The following NEB variants were observed in gnomAD, a reference collection of about 807,000 sequenced individuals.
NEB encodes the protein nebulin, also known as nemaline myopathy type 2.
In NEB, 512 loss-of-function variants were observed where a neutral mutation model predicts 952.2. That is an observed-to-expected ratio of 0.54 (90% CI 0.50 to 0.58). NEB has a LOEUF of 0.58. NEB is among the 20% of genes least tolerant of loss of function. The pLI is 0.00. For synonymous variants in NEB, 2,900 were observed against 3,149.8 expected, an observed-to-expected ratio of 0.92 and a Z score of 2.66; for missense variants, 8,428 against 9,231.1, an observed-to-expected ratio of 0.91 and a Z score of 3.56.
At chr2:151,723,065 A>C (rs1181143545) in intron 9 of NEB, among the ~76,000 whole-genome samples, 1 of 152,236 alleles carries the variant, frequency 6.6e-6, no homozygotes, top group African/African-American at 2.4e-5. Flanking sequence ...AGGGGAAAGA[A>C]GGACTCATGC....
At position 151,493,426 on chromosome 2, in the gene NEB, A is replaced by G. The variant is rs761657388; in HGVS notation, c.24692T>C (p.Met8231Thr). Reference sequence around the variant, plus strand: ...AACAGGTGTCGGAGTTGCTTTTCTCATGTTCTCTTTGTACAATACCTAGGG... The same window carrying G: ...AACAGGTGTCGGAGTTGCTTTTCTCGTGTTCTCTTTGTACAATACCTAGGG... Reference protein sequence around the residue: ...NFSSVLYKENMRKATPTPVTP... With the variant: ...NFSSVLYKENTRKATPTPVTP... Residue 8231 changes from methionine to threonine, a missense_variant, in exon 176 of 182, where the codon ATG (methionine) becomes ACG (threonine). By Grantham distance (81) the Met-to-Thr change is moderately conservative. Transcript: ENST00000397345. The G allele has an allele frequency of 1.2e-6, 2 of 1,605,464 alleles. No individual in the cohort carries two copies. The highest frequency in any genetic ancestry group is 1.1e-5 in the South Asian group (1 of 88,474).
intron 13 of NEB, among the ~76,000 whole-genome samples, chr2:151,698,216 CT>C (rs201877927): frequency 0.013 from 1,955 of 152,016 alleles, 23 homozygotes; most frequent in Middle Eastern, 0.031. Flanking sequence ...TTTTTTCTTT[CT>C]TTTTTTTGTA....
chr2:151,687,096 T>C (rs908339927), intron 27 of NEB, among the ~76,000 whole-genome samples: 2 of 152,214 alleles, frequency 1.3e-5, no homozygotes, highest in African/African-American at 4.8e-5. Context: ...ATTTTAAAAA[T>C]TGTTTTTCAA....
At chr2:151,695,292 C>G (rs368898214) in intron 18 of NEB, among the ~76,000 whole-genome samples, 1 of 151,996 alleles carries the variant, frequency 6.6e-6, no homozygotes, top group Non-Finnish European at 1.5e-5. Flanking sequence ...AAAAGATCTA[C>G]CATTAAAATT....
intron 27 of NEB, among the ~76,000 whole-genome samples, chr2:151,687,122 A>C (rs2099509045): frequency 6.6e-6 from 1 of 152,244 alleles, no homozygotes. Flanking sequence ...AGAAAATATG[A>C]AAATATCTAG....
chr2:151,518,350 G>A lies in NEB; in HGVS notation c.22768C>T (p.His7590Tyr). 1 of 1,611,312 alleles carries A rather than the reference G, an allele frequency of 6.2e-7. No individual in the cohort carries two copies. The highest frequency in any genetic ancestry group is 8.5e-7 in the Non-Finnish European group (1 of 1,177,498). ...TGTAATTCTGTGGCCTCTTTTAGGT[G>A]AAGCTGCTCCAGATTATCGGGTATG... is the stretch of plus-strand genomic sequence containing the variant. Reference protein sequence around the residue: ...HTIPDNLEQLHLKEATELQSI... With the variant: ...HTIPDNLEQLYLKEATELQSI... Residue 7590 changes from histidine to tyrosine, a missense_variant, in exon 156 of 182, where the codon CAC becomes TAC. By Grantham distance (83) the His-to-Tyr change is moderately conservative (BLOSUM62 2). Around this residue, in one of 11 missense-constraint regions of NEB, gnomAD observed 3,374 missense variants for 3,651.5 expected, o/e 0.92. Coordinates refer to ENST00000397345, the MANE Select transcript of NEB (RefSeq NM_001164508.2).
chr2:151,706,617 C>T (rs1220496966), intron 13 of NEB, among the ~76,000 whole-genome samples: 1 of 151,972 alleles, frequency 6.6e-6, no homozygotes, highest in Non-Finnish European at 1.5e-5. Flanking sequence ...GCAACACATC[C>T]ATATGGAGGC....
chr2:151,487,526 TA>T lies in NEB; in HGVS notation c.25405-1594del, dbSNP rs2051874847. 2.0e-5 allele frequency among the ~76,000 whole-genome samples: 3 copies of T among 152,328 alleles called. No individual in the cohort carries two copies. In the South Asian group the frequency reaches 6.2e-4, roughly 32 times the overall value. On this transcript the variant is annotated intron_variant, in intron 181 of 181. Coordinates refer to ENST00000397345, the MANE Select transcript of NEB (RefSeq NM_001164508.2). The stretch of plus-strand genomic sequence containing the variant: ...AATATAGCTTGGAAGTCTTTCCATG[TA>T]AATATAGCTGTATCTTACCCTTTTT...
At chr2:151,724,202 T>G (rs1297182471) in intron 8 of NEB, 58 bp downstream of exon 8, 33 of 1,292,558 alleles carry the variant, frequency 2.6e-5, no homozygotes, top group Non-Finnish European at 3.4e-5. Context: ...AAGTATTACA[T>G]GAAATATATG....
intron 29 of NEB, among the ~76,000 whole-genome samples, chr2:151,681,911 A>G (rs1349635371): frequency 1.3e-5 from 2 of 152,206 alleles, no homozygotes; most frequent in African/African-American, 4.8e-5. Context: ...TCACAAAAAA[A>G]TAGAAACCAT....
chr2:151,605,930 G>C (rs1321905995), intron 84 of NEB, among the ~76,000 whole-genome samples: 56 of 102,612 alleles, frequency 5.5e-4, no homozygotes, highest in African/African-American at 1.4e-3. Flanking sequence ...AGACTCCTGA[G>C]TAGCTGGGAT....
intron 28 of NEB, among the ~76,000 whole-genome samples, chr2:151,683,858 C>T (rs767198202): frequency 1.3e-4 from 19 of 151,992 alleles, no homozygotes; most frequent in Non-Finnish European, 2.1e-4. Flanking sequence ...TATGGCATAT[C>T]GATACAATAG....
At chr2:151,630,676 C>A (rs2154071446) in intron 67 of NEB, 39 bp downstream of exon 67, 7 of 1,489,330 alleles carry the variant, frequency 4.7e-6, no homozygotes, top group Non-Finnish European at 6.5e-6. Context: ...AGTATAGACA[C>A]CACCACCACA....
At chr2:151,695,107 G>C (rs2099586582) in intron 18 of NEB, among the ~76,000 whole-genome samples, 1 of 152,130 alleles carries the variant, frequency 6.6e-6, no homozygotes, top group Non-Finnish European at 1.5e-5. Flanking sequence ...ATAAAATTAA[G>C]TTTGAAAAAT....
At chr2:151,684,697 G>T in intron 28 of NEB, 81 bp downstream of exon 28, 1 of 1,323,004 alleles carries the variant, frequency 7.6e-7, no homozygotes, top group Non-Finnish European at 1.0e-6. Flanking sequence ...TCTAAGAAGT[G>T]CAAAAACCTC....
chr2:151,540,950 G>A lies in NEB; in HGVS notation c.20683-149C>T, dbSNP rs16830189. On this transcript the variant is annotated intron_variant, in intron 136 of 181. Transcript: ENST00000397345. The stretch of plus-strand genomic sequence containing the variant: ...GTTTGCTTGTTTTTTTGTTATATGC[G>A]TTTCTGTTCATTTGTTTCTCTGTGT... 1,438 of 674,278 alleles carry A rather than the reference G, an allele frequency of 2.1e-3. 18 individuals carry two copies. The African/African-American group carries it at 0.023, about 11-fold the overall frequency. 41.8% of individuals were successfully genotyped at this position (674,278 alleles called of 1,614,324 possible).
intron 145 of NEB, among the ~76,000 whole-genome samples, chr2:151,529,784 C>T (rs144823501): frequency 1.3e-5 from 2 of 152,184 alleles, no homozygotes; most frequent in African/African-American, 4.8e-5. Flanking sequence ...CCCACCTCAG[C>T]CTTTCAAAGT....
At chr2:151,725,042 C>A (rs2099786359) in intron 6 of NEB, 81 bp from the exon 7 acceptor site, 3 of 1,048,374 alleles carry the variant, frequency 2.9e-6, no homozygotes, top group East Asian at 2.4e-5. Context: ...AACCACAGAG[C>A]ATTACCCCAA....
At chr2:151,531,266 C>T (rs1273222059) in intron 144 of NEB, among the ~76,000 whole-genome samples, 165 bp from the exon 145 acceptor site, 2 of 147,968 alleles carry the variant, frequency 1.4e-5, no homozygotes, top group Non-Finnish European at 3.0e-5. Flanking sequence ...TTCCAGCTGG[C>T]GTGTCTGCCA....
Sources: allele counts gnomAD v4.1 joint callset (sites outside exome capture counted in the v4.1 genomes callset), GRCh38; gene constraint gnomAD v4.1.1; regional missense constraint gnomAD v4.1.1; transcripts MANE v1.5; gene names NCBI Gene and HGNC (gene_info 2026-07-23, HGNC 2026-07-21).